FAN1: variants seen among roughly 807,000 people sequenced by gnomAD.
FAN1 encodes fanconi-associated nuclease 1.
FAN1 carries 91 observed loss-of-function variants against 104.9 expected under a neutral mutation model. The observed-to-expected ratio is 0.87, with a 90% CI of 0.73 to 1.03. The LOEUF is 1.03. Ranked by LOEUF, FAN1 falls within the 50% of genes least tolerant of loss-of-function variation. The pLI is 0.00. For synonymous variants in FAN1, 478 were observed against 457.6 expected (o/e 1.04, Z -0.57); for missense variants, 1,263 against 1,239.9 (o/e 1.02, Z -0.28).
intron 10 of FAN1, among the ~76,000 whole-genome samples, 184 bp downstream of exon 10, chr15:30,926,123 GT>G (rs555648497): frequency 2.0e-5 from 3 of 152,198 alleles, no homozygotes; most frequent in Non-Finnish European, 4.4e-5. Context: ...GTCAGGGGTA[GT>G]TGTCCCACAG....
rs2062432130 is a variant in FAN1, at chr15:30,925,295, A to G, written c.2337+4A>G. ...GGCTGTGCAAGATGTGAAACACGTG[A>G]GGAAAGAGCCTGTGGGTGCTTTGGA... On this transcript the variant is annotated splice_donor_region_variant and intron_variant, in intron 9 of 14. Transcript: ENST00000362065. The G allele has an allele frequency of 6.2e-7, 1 of 1,613,178 alleles. No homozygotes were observed. The highest frequency in any genetic ancestry group is 1.1e-5 in the South Asian group (1 of 91,004).
chr15:30,916,816 A>G (rs2140918634), intron 5 of FAN1, among the ~76,000 whole-genome samples: 1 of 152,270 alleles, frequency 6.6e-6, no homozygotes, highest in Admixed American at 6.5e-5. Flanking sequence ...ATTAACCACT[A>G]TTTAAAGTGT....
rs2062068352 is a variant in FAN1, at chr15:30,910,202, G to A, written c.1376-412G>A. ...AGCCGAACAGGCTCACGAATGCCGA[G>A]TGAGCAGGAGAGGCTTGTGGGAAGA... is the stretch of plus-strand genomic sequence containing the variant. On this transcript the variant is annotated intron_variant, in intron 3 of 14. Transcript: ENST00000362065. Among the ~76,000 whole-genome samples the A allele has an allele frequency of 2.0e-5, 3 of 152,250 alleles. No individual in the cohort carries two copies. In the South Asian group the frequency reaches 6.2e-4, roughly 31 times the overall value.
At chr15:30,940,595 G>A (rs1469509204) in intron 14 of FAN1, 1 of 985,398 alleles carries the variant, frequency 1.0e-6, no homozygotes, top group Non-Finnish European at 1.2e-6. Flanking sequence ...TTGAGGGCGA[G>A]TTTTGGCATA....
At chr15:30,930,097 G>C (rs1322261780) in intron 12 of FAN1, among the ~76,000 whole-genome samples, 4 of 149,112 alleles carry the variant, frequency 2.7e-5, no homozygotes, top group Admixed American at 6.8e-5. Flanking sequence ...GCCACTGTTA[G>C]TGATGGAAAC....
intron 10 of FAN1, chr15:30,927,091 C>A: frequency 1.1e-6 from 1 of 943,260 alleles, no homozygotes; most frequent in Non-Finnish European, 1.3e-6. Flanking sequence ...ACAGGAGGAT[C>A]ACTTGAACTC....
intron 10 of FAN1, chr15:30,926,631 G>C (rs896571890): frequency 2.0e-6 from 2 of 985,220 alleles, no homozygotes; most frequent in African/African-American, 3.5e-5. Flanking sequence ...TATTGGGGAA[G>C]ACGTGCAAAT....
intron 12 of FAN1, among the ~76,000 whole-genome samples, 193 bp from the exon 13 acceptor site, chr15:30,930,350 C>T (rs1001489073): frequency 6.6e-6 from 1 of 152,216 alleles, no homozygotes; most frequent in African/African-American, 2.4e-5. Flanking sequence ...CAGTCTCCCA[C>T]CACTTGCCAG....
intron 5 of FAN1, among the ~76,000 whole-genome samples, chr15:30,917,207 G>A (rs555010495): frequency 1.5e-4 from 23 of 152,274 alleles, no homozygotes; most frequent in Admixed American, 3.9e-4. Context: ...TTGGGGTGGG[G>A]CGCCATCCAG....
At chr15:30,926,918 T>C (rs972974679) in intron 10 of FAN1, 2 of 985,458 alleles carry the variant, frequency 2.0e-6, no homozygotes, top group Non-Finnish European at 2.4e-6. Context: ...GGGAATTTTG[T>C]GTCAGAGCGA....
intron 2 of FAN1, 36 bp from the exon 3 acceptor site, chr15:30,908,082 C>T (rs1162490175): frequency 1.9e-6 from 3 of 1,563,928 alleles, no homozygotes; most frequent in African/African-American, 2.7e-5. Flanking sequence ...AAGGTAAATG[C>T]AGTGATTTTC....
At position 30,925,253 on chromosome 15, in the gene FAN1, C is replaced by T. The variant is rs750390003; in HGVS notation, c.2299C>T (p.Gln767Ter). ...PSCKKFKHLF[Q>*]QLPEMAVQDV... ...CTGTAAAAAGTTCAAGCACCTCTTC[C>T]AGCAGCTCCCAGAAATGGCTGTGCA... The change falls in exon 9 of 15, where the codon CAG becomes TAG. Residue 767 changes from glutamine (Q) to a stop codon, truncating the protein, a stop_gained. Transcript: ENST00000362065. LOFTEE classifies it high-confidence loss of function. 3.7e-6 allele frequency: 6 copies of T among 1,614,064 alleles called. No homozygotes were observed. The highest frequency in any genetic ancestry group is 2.2e-5 in the East Asian group (1 of 44,894).
chr15:30,934,016 C>G (rs1297873607), intron 13 of FAN1, among the ~76,000 whole-genome samples: 1 of 152,082 alleles, frequency 6.6e-6, no homozygotes, highest in Non-Finnish European at 1.5e-5. Flanking sequence ...TCCCAAAATG[C>G]TGAGAGTATA....
At chr15:30,933,141 C>T (rs1209671542) in intron 13 of FAN1, among the ~76,000 whole-genome samples, 3 of 152,054 alleles carry the variant, frequency 2.0e-5, no homozygotes, top group Non-Finnish European at 4.4e-5. Flanking sequence ...GGAGGTTTAT[C>T]AATTTACTGA....
At position 30,942,897 on chromosome 15, in the gene FAN1, C is replaced by T. The variant is rs113745631; in HGVS notation, c.*1335C>T. The T allele has an allele frequency of 3.8e-4, 590 of 1,560,314 alleles. 2 individuals carry two copies. In the African/African-American group the frequency reaches 5.3e-3, roughly 14 times the overall value. On this transcript the variant is annotated 3_prime_UTR_variant, in exon 15 of 15. Coordinates refer to ENST00000362065, the MANE Select transcript of FAN1 (RefSeq NM_014967.5). ...TTGTTAGCTGTGATTTACCTTTGTC[C>T]GTTTAAAAGACTTCACGGAGCCATT... is the stretch of plus-strand genomic sequence containing the variant.
At position 30,928,673 on chromosome 15, in the gene FAN1, G is replaced by T. The variant is rs753355065; in HGVS notation, c.2592+17G>T. 1.9e-6 allele frequency: 3 copies of T among 1,613,514 alleles called. No homozygotes were observed. The highest frequency in any genetic ancestry group is 4.5e-5 in the East Asian group (2 of 44,886). ...GCCTGTCAGGTACTCCAGTGCCCCT[G>T]CCCCACGAGTAGGTCCTTCTGCACA... On this transcript the variant is annotated intron_variant, in intron 11 of 14. Coordinates refer to ENST00000362065, the MANE Select transcript of FAN1 (RefSeq NM_014967.5).
At position 30,925,833 on chromosome 15, in the gene FAN1, G is replaced by A. The variant is rs369665165; in HGVS notation, c.2382G>A (p.Lys794=). ...TGTGCCCACAGCGTGGGATGTGCAA[G>A]TCTGTGTTTGTGATGGAGGCCGGGG... ...GRLCPQRGMC[K]SVFVMEAGEA... The change falls in exon 10 of 15, where the codon AAG becomes AAA. Residue 794 remains lysine, a synonymous_variant. Transcript: ENST00000362065. 63 of 1,614,128 alleles carry A rather than the reference G, an allele frequency of 3.9e-5. No homozygotes were observed. The highest frequency in any genetic ancestry group is 5.1e-5 in the Non-Finnish European group (60 of 1,180,060).
intron 2 of FAN1, chr15:30,906,449 C>T (rs2061981048): frequency 2.2e-6 from 1 of 456,718 alleles, no homozygotes; most frequent in South Asian, 1.5e-5. Flanking sequence ...ATTAAAAATA[C>T]TAGTCTATGC....
In FAN1 at chr15:30,941,907, C is replaced by G; in HGVS notation, c.*345C>G. 2 of 1,614,020 alleles carry G rather than the reference C, an allele frequency of 1.2e-6. No individual in the cohort carries two copies. The highest frequency in any genetic ancestry group is 1.7e-6 in the Non-Finnish European group (2 of 1,179,908). On this transcript the variant is annotated 3_prime_UTR_variant, in exon 15 of 15. Transcript: ENST00000362065. ...AGGTTGGCGGGTTTGGAAAACCATT[C>G]TCTAAAATACTGCTCCGTATCACTG...
Sources: allele counts gnomAD v4.1 joint callset (sites outside exome capture counted in the v4.1 genomes callset), GRCh38; gene constraint gnomAD v4.1.1; transcripts MANE v1.5; gene names NCBI Gene and HGNC (gene_info 2026-07-23, HGNC 2026-07-21).